The following PPM1E variants were observed in gnomAD, a reference collection of about 807,000 sequenced individuals.
The protein encoded by PPM1E is protein phosphatase, Mg2+/Mn2+ dependent 1E.
A neutral mutation model predicts 65.9 loss-of-function variants in PPM1E; 20 were observed. The observed-to-expected ratio is 0.30, with a 90% CI of 0.21 to 0.44. PPM1E has a LOEUF of 0.44. Ranked by LOEUF, PPM1E falls within the 20% of genes least tolerant of loss-of-function variation. PPM1E has a pLI of 1.00. For missense variants in PPM1E, 713 were observed against 953.1 expected (o/e 0.75, Z 3.32); for synonymous variants, 352 against 374.9 (o/e 0.94, Z 0.70).
intron 1 of PPM1E, among the ~76,000 whole-genome samples, chr17:58,791,203 T>C (rs764841864): frequency 2.6e-5 from 4 of 152,168 alleles, no homozygotes; most frequent in Non-Finnish European, 5.9e-5. Context: ...GAGAATGAAT[T>C]GTTTTAAGCC....
intron 1 of PPM1E, among the ~76,000 whole-genome samples, chr17:58,895,407 C>T (rs1043584535): frequency 3.9e-5 from 6 of 152,122 alleles, no homozygotes; most frequent in African/African-American, 1.4e-4. Flanking sequence ...ATGTCAAAAT[C>T]CAAAACAGGC....
At chr17:58,767,876 A>G (rs1457992962) in intron 1 of PPM1E, among the ~76,000 whole-genome samples, 2 of 152,070 alleles carry the variant, frequency 1.3e-5, no homozygotes, top group African/African-American at 4.8e-5. Flanking sequence ...TCCCGACCTC[A>G]GGTGATCCGC....
Position 58,871,852 on chromosome 17 carries a change from A to G in PPM1E, c.465-83797A>G, listed in dbSNP as rs374455447. Among the ~76,000 whole-genome samples the G allele has an allele frequency of 2.0e-5, 3 of 151,572 alleles. No homozygotes were observed. The East Asian group carries it at 5.8e-4, about 29-fold the overall frequency. ...AAAAAGAAGAAGAAGAAGAATATTT[A>G]TATTTGTCAGTTGTCAGTTGAACTG... On this transcript the variant is annotated intron_variant, in intron 1 of 6. Transcript: ENST00000308249.
chr17:58,883,947 T>A (rs114815027), intron 1 of PPM1E, among the ~76,000 whole-genome samples: 2,365 of 151,966 alleles, frequency 0.016, 51 homozygotes, highest in African/African-American at 0.054. Context: ...CAAAAAAAAA[T>A]AAAAATAAAA....
rs531591789 is a variant in PPM1E at position 58,871,432 on chromosome 17, G to A, written c.465-84217G>A. 2.0e-5 allele frequency among the ~76,000 whole-genome samples: 3 copies of A among 152,284 alleles called. No homozygotes were observed. In the South Asian group the frequency reaches 6.2e-4, roughly 32 times the overall value. ...TCCCACAAAGACCTCGGTAGCCTAA[G>A]GTGCCTTTCAGTTGGCAAGAACAGT... On this transcript the variant is annotated intron_variant, in intron 1 of 6. Transcript: ENST00000308249.
chr17:58,958,492 G>A (rs760787369), intron 2 of PPM1E, among the ~76,000 whole-genome samples: 4 of 151,816 alleles, frequency 2.6e-5, no homozygotes, highest in Non-Finnish European at 4.4e-5. Flanking sequence ...GTTTATGGTC[G>A]TGAGCCACTA....
At chr17:58,948,671 T>G (rs916857772) in intron 1 of PPM1E, among the ~76,000 whole-genome samples, 2 of 152,226 alleles carry the variant, frequency 1.3e-5, no homozygotes, top group Non-Finnish European at 2.9e-5. Context: ...ACATATTATA[T>G]ACTGCTTTGG....
intron 1 of PPM1E, among the ~76,000 whole-genome samples, chr17:58,889,117 A>G (rs1157208503): frequency 2.6e-5 from 4 of 152,214 alleles, no homozygotes; most frequent in Non-Finnish European, 5.9e-5. Flanking sequence ...ATTAAATTAT[A>G]TAACTTGCTT....
At chr17:58,867,480 A>G (rs181471688) in intron 1 of PPM1E, among the ~76,000 whole-genome samples, 85 of 152,292 alleles carry the variant, frequency 5.6e-4, no homozygotes, top group African/African-American at 1.9e-3. Context: ...AGAATCCAAA[A>G]CTACAGCTCT....
intron 1 of PPM1E, among the ~76,000 whole-genome samples, chr17:58,934,157 C>T (rs184157108): frequency 6.6e-6 from 1 of 151,334 alleles, no homozygotes; most frequent in Non-Finnish European, 1.5e-5. Context: ...AGTTGATAGC[C>T]TCTGCAGCTT....
At chr17:58,797,883 T>C (rs552423809) in intron 1 of PPM1E, among the ~76,000 whole-genome samples, 1 of 152,350 alleles carries the variant, frequency 6.6e-6, no homozygotes, top group East Asian at 1.9e-4. Flanking sequence ...TTTGGTGTTA[T>C]CAGTCTTTTA....
At chr17:58,827,224 G>A (rs866659057) in intron 1 of PPM1E, among the ~76,000 whole-genome samples, 13 of 145,468 alleles carry the variant, frequency 8.9e-5, no homozygotes, top group African/African-American at 3.1e-4. Context: ...TGCAATCTCC[G>A]CCTCCTGGGT....
At chr17:58,867,526 G>A (rs1439040819) in intron 1 of PPM1E, among the ~76,000 whole-genome samples, 1 of 152,140 alleles carries the variant, frequency 6.6e-6, no homozygotes, top group Non-Finnish European at 1.5e-5. Flanking sequence ...AGAGGGTATT[G>A]CTTAAGGTTT....
intron 1 of PPM1E, among the ~76,000 whole-genome samples, chr17:58,829,315 T>C (rs574376051): frequency 2.6e-5 from 4 of 152,350 alleles, no homozygotes; most frequent in African/African-American, 9.6e-5. Context: ...CTGCTGAGAT[T>C]ACAGGCGTGA....
chr17:58,954,070 T>G (rs1171198681), intron 1 of PPM1E, among the ~76,000 whole-genome samples: 1 of 152,198 alleles, frequency 6.6e-6, no homozygotes, highest in Admixed American at 6.5e-5. Context: ...CATGTTAAAA[T>G]GAATTCTTGA....
Position 58,786,305 on chromosome 17 carries a change from G to A in PPM1E, c.464+29844G>A, listed in dbSNP as rs868768732. Among the ~76,000 whole-genome samples the A allele has an allele frequency of 1.1e-4, 16 of 151,940 alleles. No individual in the cohort carries two copies. In the South Asian group the frequency reaches 1.9e-3, roughly 18 times the overall value. The stretch of plus-strand genomic sequence containing the variant: ...CTGGGATTACAGGTGTGAGCCATCG[G>A]GCCTGGCCACCTTTTCACTTTTAAG... On this transcript the variant is annotated intron_variant, in intron 1 of 6. Coordinates refer to ENST00000308249, the MANE Select transcript of PPM1E (RefSeq NM_014906.5).
chr17:58,853,595 G>A (rs1333024775), intron 1 of PPM1E, among the ~76,000 whole-genome samples: 1 of 152,028 alleles, frequency 6.6e-6, no homozygotes, highest in Non-Finnish European at 1.5e-5. Context: ...TGGGAGGCTG[G>A]GATGGGTGGA....
intron 1 of PPM1E, among the ~76,000 whole-genome samples, chr17:58,885,994 G>A (rs568066662): frequency 1.1e-3 from 160 of 152,238 alleles, no homozygotes; most frequent in Non-Finnish European, 1.9e-3. Context: ...CAGATTCTTT[G>A]GGGGTGAATT....
chr17:58,907,902 A>T (rs2051577471), intron 1 of PPM1E, among the ~76,000 whole-genome samples: 1 of 152,044 alleles, frequency 6.6e-6, no homozygotes, highest in East Asian at 1.9e-4. Flanking sequence ...CTTGTAGACA[A>T]CATATAGTTG....
Sources: gnomAD v4.1 joint callset for allele counts (sites outside exome capture counted in the v4.1 genomes callset) on GRCh38, gnomAD v4.1.1 for gene constraint, MANE v1.5 for transcripts, NCBI Gene and HGNC (gene_info 2026-07-23, HGNC 2026-07-21) for gene names.